Variants in ABHD2 observed in about 807,000 individuals in gnomAD.
ABHD2 encodes the protein abhydrolase domain containing 2, acylglycerol lipase.
Under a neutral mutation model 48.1 loss-of-function variants are expected in ABHD2, and 20 were observed. That is an observed-to-expected ratio of 0.42 (90% confidence interval 0.29 to 0.60). The LOEUF is 0.60. Among genes scored for constraint, ABHD2 ranks in the 20% least tolerant of loss-of-function variants. The pLI is 0.24. For synonymous variants in ABHD2, 209 were observed against 214.2 expected (o/e 0.98, Z 0.21); for missense variants, 405 against 550.9 (o/e 0.74, Z 2.65).
the ABHD2 span, among the ~76,000 whole-genome samples, chr15:89,080,697 T>A: frequency 7.3e-6 from 1 of 136,512 alleles, no homozygotes; most frequent in African/African-American, 3.0e-5. Flanking sequence ...AAGGAGACTT[T>A]TTTTTTTTTT....
chr15:89,048,362 G>A, the ABHD2 span, among the ~76,000 whole-genome samples: 1 of 151,942 alleles, frequency 6.6e-6, no homozygotes, highest in Non-Finnish European at 1.5e-5. Flanking sequence ...TGGTGAATCT[G>A]ACAATTATGT....
chr15:89,071,578 C>T, the ABHD2 span, among the ~76,000 whole-genome samples: 1 of 152,200 alleles, frequency 6.6e-6, no homozygotes, highest in Non-Finnish European at 1.5e-5. Context: ...CAACCTTCAC[C>T]TGGTAACCTG....
At position 89,201,494 on chromosome 15, in the gene ABHD2, T is replaced by C. The variant is rs568370090; in HGVS notation, c.*6071T>C. 3.6e-5 allele frequency: 57 copies of C among 1,574,644 alleles called. 2 individuals carry two copies. In the South Asian group the frequency reaches 5.9e-4, roughly 16 times the overall value. On this transcript the variant is annotated 3_prime_UTR_variant, in exon 11 of 11. Transcript: ENST00000352732. ...CACACAGCTTCCATATCTGAAGTGTTTAGTGGAGCAAAAATTGTACCATAA... is the reference window on the plus strand; with the variant it reads ...CACACAGCTTCCATATCTGAAGTGTCTAGTGGAGCAAAAATTGTACCATAA...
At chr15:89,138,376 T>C (rs1217841809) in intron 3 of ABHD2, among the ~76,000 whole-genome samples, 1 of 152,146 alleles carries the variant, frequency 6.6e-6, no homozygotes, top group Non-Finnish European at 1.5e-5. Context: ...AGGGTAAAAA[T>C]GTATCCCCAA....
rs554181780 is a variant in ABHD2, at chr15:89,188,431, A to C, written c.926+128A>C. On this transcript the variant is annotated intron_variant, in intron 8 of 10. Transcript: ENST00000352732. The surrounding 1 kb of genome is among the most constrained non-coding windows in gnomAD (Gnocchi z 4.1). ...GTGTTAAGGGTGTTTTTTTCCCTTT[A>C]AGTAAGTGTCTAGTGCTTAAAAACA... 1.2e-5 allele frequency: 8 copies of C among 690,420 alleles called. No homozygotes were observed. In the East Asian group the frequency reaches 1.9e-4, roughly 16 times the overall value. The allele number at this position is 690,420 out of a possible 1,614,324, so 42.8% of individuals were successfully genotyped here.
intron 7 of ABHD2, among the ~76,000 whole-genome samples, chr15:89,187,194 AT>A (rs1727960816): frequency 6.6e-6 from 1 of 152,230 alleles, no homozygotes; most frequent in African/African-American, 2.4e-5. Flanking sequence ...CCCAGGAAAC[AT>A]TTGTTTTGCT....
At position 89,120,075 on chromosome 15, in the gene ABHD2, A is replaced by G. The variant is rs1428485632; in HGVS notation, c.194+3554A>G. ...GGACGTGTCTTCTTACTGTTCTGGTATAGAAAAAAAGTTGATGAAAGGTGA... is the reference window on the plus strand; with the variant it reads ...GGACGTGTCTTCTTACTGTTCTGGTGTAGAAAAAAAGTTGATGAAAGGTGA... On this transcript the variant is annotated intron_variant, in intron 3 of 10. Transcript: ENST00000352732. The surrounding 1 kb of genome is among the most constrained non-coding windows in gnomAD (Gnocchi z 4.2). Among the ~76,000 whole-genome samples the G allele has an allele frequency of 6.6e-6, 1 of 152,218 alleles. No individual in the cohort carries two copies.
the ABHD2 span, among the ~76,000 whole-genome samples, chr15:89,068,196 G>GCACACACACACACA: frequency 2.0e-5 from 3 of 149,690 alleles, no homozygotes; most frequent in African/African-American, 7.4e-5. Context: ...ATGTGCGCGT[G>GCACACACACACACA]CACACACACA....
chr15:89,045,484 C>A, the ABHD2 span, among the ~76,000 whole-genome samples: 1 of 152,114 alleles, frequency 6.6e-6, no homozygotes. Context: ...TATAAATTAC[C>A]TTGGGCAGTA....
the ABHD2 span, among the ~76,000 whole-genome samples, chr15:89,068,752 C>CAGTTTTTTTT: frequency 1.3e-4 from 11 of 85,176 alleles, no homozygotes; most frequent in Admixed American, 4.4e-4. Context: ...GGCAAGCTTC[C>CAGTTTTTTTT]TCTTTTTTTT....
At chr15:89,095,027 G>C (rs901690216) in intron 1 of ABHD2, among the ~76,000 whole-genome samples, 1 of 134,226 alleles carries the variant, frequency 7.5e-6, no homozygotes, top group East Asian at 2.2e-4. Context: ...TTGAGCTACT[G>C]TACTCCAGCC....
intron 1 of ABHD2, among the ~76,000 whole-genome samples, chr15:89,113,135 T>A (rs1429406058): frequency 6.6e-6 from 1 of 152,220 alleles, no homozygotes; most frequent in African/African-American, 2.4e-5. Flanking sequence ...GCAAGCACTT[T>A]TAGCTTCTGG....
chr15:89,068,052 T>C, the ABHD2 span, among the ~76,000 whole-genome samples: 19 of 152,108 alleles, frequency 1.2e-4, no homozygotes, highest in Admixed American at 1.2e-3. Context: ...ACCCTAGACT[T>C]CATAGTCTTT....
At chr15:89,139,886 G>A (rs915601134) in intron 3 of ABHD2, among the ~76,000 whole-genome samples, 3 of 152,270 alleles carry the variant, frequency 2.0e-5, no homozygotes, top group Middle Eastern at 3.4e-3. Context: ...ACTAGAATCT[G>A]ACCGGAGTTT....
In ABHD2 at chr15:89,155,277, C is replaced by G; in HGVS notation, c.371-90C>G. On this transcript the variant is annotated intron_variant, in intron 4 of 10. Coordinates refer to ENST00000352732, the MANE Select transcript of ABHD2 (RefSeq NM_152924.5). This position sits in a 1 kb window ranked among gnomAD's most constrained non-coding sequence, Gnocchi z 4.9. ...GAAAGATGTATGTTGAATTCCCTCC[C>G]CTTGTTTTCTAGACCAGTGAAGTGT... is the stretch of plus-strand genomic sequence containing the variant. The G allele has an allele frequency of 7.1e-7, 1 of 1,407,328 alleles. No homozygotes were observed. Among genetic ancestry groups the G allele is most frequent in the South Asian group, 1.3e-5 (1 of 75,992 alleles). The allele number at this position is 1,407,328 out of a possible 1,614,324, so 87.2% of individuals were successfully genotyped here. A position where few individuals can be genotyped will look rare whatever the true frequency, so the allele number is the denominator to read the frequency against.
chr15:89,051,959 A>G, the ABHD2 span, among the ~76,000 whole-genome samples: 1 of 152,200 alleles, frequency 6.6e-6, no homozygotes, highest in African/African-American at 2.4e-5. Context: ...CTATTGGTAG[A>G]CTGAGCCACA....
chr15:89,134,171 T>G (rs1425114133), intron 3 of ABHD2, among the ~76,000 whole-genome samples: 1 of 152,162 alleles, frequency 6.6e-6, no homozygotes, highest in African/African-American at 2.4e-5. Context: ...ATAATTAAAT[T>G]TTTCAATTGT....
chr15:89,050,401 A>G, the ABHD2 span, among the ~76,000 whole-genome samples: 1 of 152,238 alleles, frequency 6.6e-6, no homozygotes, highest in Non-Finnish European at 1.5e-5. Context: ...TTCCAGACCC[A>G]GAGAACAACC....
intron 3 of ABHD2, among the ~76,000 whole-genome samples, chr15:89,138,193 C>T (rs1056300267): frequency 3.3e-5 from 5 of 152,222 alleles, no homozygotes; most frequent in South Asian, 4.1e-4. Context: ...TGGCCCTTGC[C>T]GGCTTCCTTA....
Sources: gnomAD v4.1 joint callset for allele counts (sites outside exome capture counted in the v4.1 genomes callset) on GRCh38, gnomAD v4.1.1 for gene constraint, Gnocchi (gnomAD v3.1) non-coding constraint, MANE v1.5 for transcripts, NCBI Gene and HGNC (gene_info 2026-07-23, HGNC 2026-07-21) for gene names.